ARMH3: variants seen among roughly 807,000 people sequenced by gnomAD.
ARMH3 encodes armadillo like helical domain containing 3.
ARMH3 carries 60 observed loss-of-function variants against 99.1 expected under a neutral mutation model. The ratio of observed to expected loss-of-function variants is 0.61; its 90% CI spans 0.49 to 0.75. ARMH3 has a LOEUF of 0.75. Among genes scored for constraint, ARMH3 ranks in the 30% least tolerant of loss-of-function variants. ARMH3 has a pLI of 0.00. For missense variants in ARMH3, 679 were observed against 843.1 expected (o/e 0.81, Z 2.41); for synonymous variants, 285 against 292.8 (o/e 0.97, Z 0.27).
At chr10:102,020,457 A>G (rs547726596) in intron 8 of ARMH3, among the ~76,000 whole-genome samples, 3 of 152,162 alleles carry the variant, frequency 2.0e-5, no homozygotes, top group African/African-American at 4.8e-5. Flanking sequence ...CGGGTGGATC[A>G]CGAGGTCAGG....
intron 6 of ARMH3, 49 bp downstream of exon 6, chr10:102,025,096 TATTCAAACAGG>T: frequency 7.3e-7 from 1 of 1,364,722 alleles, no homozygotes; most frequent in Non-Finnish European, 1.0e-6. Context: ...TGGGCTCAAG[TATTCAAACAGG>T]ATTGCCCCTC....
At chr10:101,946,078 A>G (rs1419489435) in intron 22 of ARMH3, among the ~76,000 whole-genome samples, 1 of 62,470 alleles carries the variant, frequency 1.6e-5, no homozygotes, top group African/African-American at 4.7e-5. Flanking sequence ...CCTCAAAAAA[A>G]AAAAAAAAAA....
At chr10:101,916,135 T>TGTATTATACATAATACAC (rs1843078561) in intron 23 of ARMH3, among the ~76,000 whole-genome samples, 2 of 151,894 alleles carry the variant, frequency 1.3e-5, no homozygotes, top group South Asian at 4.2e-4. Context: ...AGTTCAACAG[T>TGTATTATACATAATACAC]AGTAGGGCCC....
chr10:101,995,281 G>A lies in ARMH3; in HGVS notation c.1209+16C>T. On this transcript the variant is annotated intron_variant, in intron 16 of 25. Coordinates refer to ENST00000370033, the MANE Select transcript of ARMH3 (RefSeq NM_024541.3). ...TGTAAAAGACTGCCTAATAGCAGAAGGCTCGTGAGACCTACCTCTGCAATA... is the reference window on the plus strand; with the variant it reads ...TGTAAAAGACTGCCTAATAGCAGAAAGCTCGTGAGACCTACCTCTGCAATA... 6.2e-7 allele frequency: 1 copy of A among 1,610,170 alleles called. No individual in the cohort carries two copies. Among genetic ancestry groups the A allele is most frequent in the Non-Finnish European group, 8.5e-7 (1 of 1,176,842 alleles).
At chr10:102,032,368 GT>G (rs1442998439) in intron 4 of ARMH3, among the ~76,000 whole-genome samples, 1 of 152,140 alleles carries the variant, frequency 6.6e-6, no homozygotes, top group Non-Finnish European at 1.5e-5. Flanking sequence ...ATAAAGAACA[GT>G]TTCTTAATGT....
intron 23 of ARMH3, among the ~76,000 whole-genome samples, chr10:101,906,368 C>A (rs1188608807): frequency 6.6e-6 from 1 of 152,158 alleles, no homozygotes; most frequent in East Asian, 1.9e-4. Flanking sequence ...AACATATACT[C>A]CCACCAGCAG....
At chr10:101,873,361 G>C (rs564816099) in intron 24 of ARMH3, among the ~76,000 whole-genome samples, 1 of 151,980 alleles carries the variant, frequency 6.6e-6, no homozygotes, top group Non-Finnish European at 1.5e-5. Flanking sequence ...GCAGTGAGCC[G>C]AGATCGCGCC....
chr10:101,870,622 G>A (rs2067110948), intron 24 of ARMH3, among the ~76,000 whole-genome samples: 1 of 152,068 alleles, frequency 6.6e-6, no homozygotes, highest in African/African-American at 2.4e-5. Context: ...AAAACTATAG[G>A]TCCAGATGAC....
chr10:102,033,872 A>G (rs1045991407), intron 2 of ARMH3, among the ~76,000 whole-genome samples: 15 of 152,360 alleles, frequency 9.8e-5, no homozygotes, highest in African/African-American at 3.6e-4. Context: ...AATAGCTCAA[A>G]GAACTTCCCT....
In ARMH3 at chr10:102,021,039, A is replaced by G. The variant is rs141467198; in HGVS notation, c.669+2438T>C. On this transcript the variant is annotated intron_variant, in intron 8 of 25. Coordinates refer to ENST00000370033, the MANE Select transcript of ARMH3 (RefSeq NM_024541.3). ...TTTCATGAAGATCAACAACTATTTTATATCTTTTATACCATACCTTTTCTA... is the reference window on the plus strand; with the variant it reads ...TTTCATGAAGATCAACAACTATTTTGTATCTTTTATACCATACCTTTTCTA... Among the ~76,000 whole-genome samples the G allele has an allele frequency of 2.7e-3, 405 of 151,832 alleles. 3 individuals are homozygous for G. The highest frequency in any genetic ancestry group is 4.0e-3 in the Non-Finnish European group (272 of 67,968).
chr10:101,974,071 A>G (rs1448599084), intron 20 of ARMH3, among the ~76,000 whole-genome samples: 1 of 152,124 alleles, frequency 6.6e-6, no homozygotes, highest in South Asian at 2.1e-4. Context: ...CATTCTTTCA[A>G]TCTCAACCTC....
intron 23 of ARMH3, among the ~76,000 whole-genome samples, chr10:101,912,418 G>A (rs895495679): frequency 6.9e-6 from 1 of 145,458 alleles, no homozygotes; most frequent in Admixed American, 6.8e-5. Flanking sequence ...AAAAAGATTT[G>A]AGCACAAGAA....
At chr10:101,941,542 G>T (rs1301609512) in intron 22 of ARMH3, among the ~76,000 whole-genome samples, 3 of 152,180 alleles carry the variant, frequency 2.0e-5, no homozygotes, top group Non-Finnish European at 4.4e-5. Context: ...TGGCTGTGAT[G>T]GGGGAAAGAA....
chr10:101,995,427 G>A, intron 15 of ARMH3, 72 bp from the exon 16 acceptor site: 1 of 1,252,158 alleles, frequency 8.0e-7, no homozygotes, highest in Non-Finnish European at 1.1e-6. Flanking sequence ...ACAGAACAAG[G>A]ACGTATATCA....
intron 18 of ARMH3, 142 bp downstream of exon 18, chr10:101,991,827 A>G: frequency 2.2e-6 from 2 of 896,104 alleles, no homozygotes. Flanking sequence ...ACAACAATAA[A>G]CATGATTCTT....
At chr10:101,868,623 G>C (rs768478982) in intron 24 of ARMH3, among the ~76,000 whole-genome samples, 1 of 152,122 alleles carries the variant, frequency 6.6e-6, no homozygotes, top group Non-Finnish European at 1.5e-5. Context: ...TGATGAGGAA[G>C]ATCTTTATGA....
chr10:102,045,884 TG>T (rs1349946308), intron 1 of ARMH3, among the ~76,000 whole-genome samples: 3 of 151,898 alleles, frequency 2.0e-5, no homozygotes, highest in Non-Finnish European at 4.4e-5. Context: ...CACTTGAGGT[TG>T]GGAGTTCGAG....
intron 20 of ARMH3, among the ~76,000 whole-genome samples, chr10:101,965,264 C>T (rs1005679808): frequency 6.6e-6 from 1 of 152,236 alleles, no homozygotes; most frequent in African/African-American, 2.4e-5. Context: ...ACTCCAGTCT[C>T]ACTTTCTGTA....
rs543870227 is a variant in ARMH3, at chr10:102,055,958, C to T, written c.-12+127G>A. The stretch of plus-strand genomic sequence containing the variant: ...TCCTCCCTCCCTCTCCCCTCGCGTC[C>T]TCGTCGTCCCCGCGGCCAGCGCAGG... On this transcript the variant is annotated intron_variant, in intron 1 of 25. Coordinates refer to ENST00000370033, the MANE Select transcript of ARMH3 (RefSeq NM_024541.3). 2.0e-5 allele frequency: 3 copies of T among 152,768 alleles called. No homozygotes were observed. The East Asian group carries it at 5.8e-4, about 29-fold the overall frequency. The allele number at this position is 152,768 out of a possible 1,614,324, so 9.5% of individuals were successfully genotyped here. A position where few individuals can be genotyped will look rare whatever the true frequency, so the allele number is the denominator to read the frequency against.
Sources: gnomAD v4.1 joint callset for allele counts (sites outside exome capture counted in the v4.1 genomes callset) on GRCh38, gnomAD v4.1.1 for gene constraint, MANE v1.5 for transcripts, NCBI Gene and HGNC (gene_info 2026-07-23, HGNC 2026-07-21) for gene names.